Variants in ANKRD26 observed in about 807,000 individuals in gnomAD.
The protein encoded by ANKRD26 is ankyrin repeat domain-containing protein 26.
A neutral mutation model predicts 208.7 loss-of-function variants in ANKRD26; 141 were observed. The ratio of observed to expected loss-of-function variants is 0.68; its 90% CI spans 0.59 to 0.78. The LOEUF (loss-of-function observed/expected upper bound fraction) is 0.78. ANKRD26 is among the 30% of genes least tolerant of loss of function. The pLI, the probability that ANKRD26 is intolerant of heterozygous loss-of-function variation, is 0.00. For missense variants in ANKRD26, 1,889 were observed against 1,938.7 expected (o/e 0.97, Z 0.48); for synonymous variants, 636 against 660.4 (o/e 0.96, Z 0.57).
rs151033255 is a variant in ANKRD26 at position 27,035,011 on chromosome 10, G to A, written c.3439C>T (p.Arg1147Ter). The change falls in exon 24 of 34, where the codon CGA (arginine) becomes TGA (stop). Residue 1147 changes from arginine to a stop codon, truncating the protein, a stop_gained. Coordinates refer to ENST00000376087, the MANE Select transcript of ANKRD26 (RefSeq NM_014915.3). LOFTEE classifies it high-confidence loss of function. ...TTGTGGGCATCATCCAGTTGTTGTC[G>A]AAGCAACATATTCTCACTTTGTAGT... ...SQLQSENMLL[R>*]QQLDDAHNKA... 19 of 1,613,888 alleles carry A rather than the reference G, an allele frequency of 1.2e-5. No individual in the cohort carries two copies. The highest frequency in any genetic ancestry group is 4.0e-5 in the African/African-American group (3 of 74,996).
In ANKRD26 at chr10:27,046,311, T is replaced by C. The variant is rs368031777; in HGVS notation, c.1985+42A>G. 51 of 1,597,886 alleles carry C rather than the reference T, an allele frequency of 3.2e-5. No individual in the cohort carries two copies. The Middle Eastern group carries it at 5.0e-4, about 16-fold the overall frequency. ...TCTATTTTCAGAAAAAAATTACTACTAACCTTCCTCCATAGAAAAATAAAG... is the reference window on the plus strand; with the variant it reads ...TCTATTTTCAGAAAAAAATTACTACCAACCTTCCTCCATAGAAAAATAAAG... On this transcript the variant is annotated intron_variant, in intron 18 of 33. Coordinates refer to ENST00000376087, the MANE Select transcript of ANKRD26 (RefSeq NM_014915.3).
At position 27,038,071 on chromosome 10, in the gene ANKRD26, T is replaced by A. The variant is rs764681983; in HGVS notation, c.2376-17A>T. The A allele has an allele frequency of 3.1e-6, 5 of 1,588,764 alleles. No individual in the cohort carries two copies. The highest frequency in any genetic ancestry group is 4.3e-6 in the Non-Finnish European group (5 of 1,164,862). On this transcript the variant is annotated splice_polypyrimidine_tract_variant and intron_variant, in intron 21 of 33. Coordinates refer to ENST00000376087, the MANE Select transcript of ANKRD26 (RefSeq NM_014915.3). ...AAGCTAAATCTGCAGTTAAATATGT[T>A]TATCTTAAAATCTGTATTGTTACAA... is the stretch of plus-strand genomic sequence containing the variant.
chr10:27,007,102 TCA>T, intron 32 of ANKRD26, 140 bp from the exon 33 acceptor site: 1 of 618,882 alleles, frequency 1.6e-6, no homozygotes, highest in Middle Eastern at 3.1e-4. Context: ...ATAAAAATAA[TCA>T]CATAAATAAA....
intron 5 of ANKRD26, among the ~76,000 whole-genome samples, chr10:27,085,357 T>C (rs6482594): frequency 0.85 from 128,953 of 152,096 alleles, 54,992 homozygotes; most frequent in East Asian, 0.99. Context: ...CCTCGGCCTC[T>C]CAAAGTGCTG....
downstream of ANKRD26, among the ~76,000 whole-genome samples, chr10:26,987,695 G>C (rs150991467): frequency 1.7e-3 from 260 of 152,244 alleles, 3 homozygotes; most frequent in African/African-American, 6.0e-3. Flanking sequence ...TATTACAGTG[G>C]GATGAGGTAA....
chr10:26,954,406 T>A, the ANKRD26 span, among the ~76,000 whole-genome samples: 1 of 152,200 alleles, frequency 6.6e-6, no homozygotes, highest in Non-Finnish European at 1.5e-5. Flanking sequence ...GATCCATTGA[T>A]CTTTGCATCT....
At chr10:27,067,737 A>T (rs553902345) in intron 9 of ANKRD26, among the ~76,000 whole-genome samples, 1 of 152,262 alleles carries the variant, frequency 6.6e-6, no homozygotes, top group East Asian at 1.9e-4. Flanking sequence ...CTGTGATCCA[A>T]TCAACTCCCA....
chr10:26,997,075 C>T (rs1048253624), intron 4 of ANKRD26, among the ~76,000 whole-genome samples: 10 of 149,076 alleles, frequency 6.7e-5, no homozygotes, highest in Non-Finnish European at 1.0e-4. Context: ...AAAAAATATA[C>T]GGTCATTATG....
At chr10:26,949,648 G>A in the ANKRD26 span, among the ~76,000 whole-genome samples, 1 of 152,208 alleles carries the variant, frequency 6.6e-6, no homozygotes, top group South Asian at 2.1e-4. Flanking sequence ...GGGATTACAG[G>A]TGCCTGCCAC....
chr10:27,048,946 C>T lies in ANKRD26; in HGVS notation c.1669G>A (p.Glu557Lys). Residue 557 changes from glutamate (E) to lysine (K), a missense_variant, in exon 17 of 34, where the codon GAA (glutamate) becomes AAA (lysine). Physicochemically the swap from Glu to Lys is moderately conservative, Grantham distance 56 (BLOSUM62 1). Coordinates refer to ENST00000376087, the MANE Select transcript of ANKRD26 (RefSeq NM_014915.3). ...TGTATGTTTGCTGATACTTCCATTT[C>T]ATTATTTCTGTGTTTTTTCCTTTCT... ...EEERKKHRNN[E>K]MEVSANIHDG... 1 of 1,608,200 alleles carries T rather than the reference C, an allele frequency of 6.2e-7. No homozygotes were observed. Among genetic ancestry groups the T allele is most frequent in the Non-Finnish European group, 8.5e-7 (1 of 1,176,804 alleles).
At chr10:26,958,855 T>G in the ANKRD26 span, among the ~76,000 whole-genome samples, 2 of 152,208 alleles carry the variant, frequency 1.3e-5, no homozygotes, top group African/African-American at 4.8e-5. Context: ...CAAAAGGTAT[T>G]TCTACCTCTG....
the ANKRD26 span, among the ~76,000 whole-genome samples, chr10:26,963,452 G>C: frequency 6.6e-6 from 1 of 152,316 alleles, no homozygotes; most frequent in East Asian, 1.9e-4. Flanking sequence ...GTCTGGGGGA[G>C]CACCTGAGAC....
chr10:27,088,437 C>A (rs2056193452), intron 4 of ANKRD26: 1 of 152,194 alleles, frequency 6.6e-6, no homozygotes, highest in African/African-American at 2.4e-5. Context: ...CAAAACCCGA[C>A]TTTTATACAT....
chr10:27,048,886 C>G lies in ANKRD26; in HGVS notation c.1729G>C (p.Asp577His). ...CTTTTTTGAATTAATCCATCATCAT[C>G]ATCATCATCTTCAGCATCATCAGTA... ...GATDDAEDDD[D>H]DDGLIQKRKS... Residue 577 changes from aspartate (D) to histidine (H), a missense_variant, in exon 17 of 34, where the codon GAT becomes CAT. Coordinates refer to ENST00000376087, the MANE Select transcript of ANKRD26 (RefSeq NM_014915.3). 6.2e-7 allele frequency: 1 copy of G among 1,613,138 alleles called. No individual in the cohort carries two copies. The highest frequency in any genetic ancestry group is 8.5e-7 in the Non-Finnish European group (1 of 1,179,646).
chr10:26,994,955 C>T, intron 5 of ANKRD26: 1 of 419,926 alleles, frequency 2.4e-6, no homozygotes, highest in East Asian at 7.2e-5. Flanking sequence ...AGAGGACTGG[C>T]TTCAATTACC....
Position 27,034,795 on chromosome 10 carries a change from C to T in ANKRD26, c.3654+1G>A. 6.3e-7 allele frequency: 1 copy of T among 1,588,402 alleles called. No homozygotes were observed. Among genetic ancestry groups the T allele is most frequent in the Non-Finnish European group, 8.6e-7 (1 of 1,162,474 alleles). On this transcript the variant is annotated splice_donor_variant, in intron 24 of 33. Coordinates refer to ENST00000376087, the MANE Select transcript of ANKRD26 (RefSeq NM_014915.3). LOFTEE classifies it high-confidence loss of function. Reference sequence around the variant, plus strand: ...AAATATTTATCTTTCTTGATACTTACTTCTCTTTCTGCCTTTTCATTTTCA... The same window carrying T: ...AAATATTTATCTTTCTTGATACTTATTTCTCTTTCTGCCTTTTCATTTTCA...
intron 5 of ANKRD26, among the ~76,000 whole-genome samples, chr10:26,994,498 T>C (rs183682346): frequency 4.3e-4 from 65 of 152,266 alleles, no homozygotes; most frequent in African/African-American, 1.5e-3. Flanking sequence ...TATCCCCCTT[T>C]CTGTTTCCAA....
intron 15 of ANKRD26, among the ~76,000 whole-genome samples, chr10:27,053,794 A>G (rs1161596251): frequency 6.6e-6 from 1 of 152,216 alleles, no homozygotes; most frequent in Admixed American, 6.5e-5. Flanking sequence ...TAAATAAGCT[A>G]AACTGTCAGA....
downstream of ANKRD26, among the ~76,000 whole-genome samples, chr10:26,972,214 G>A (rs1378056062): frequency 6.3e-5 from 9 of 142,174 alleles, no homozygotes; most frequent in East Asian, 6.1e-4. Flanking sequence ...CAGCCTGGGC[G>A]ACAGAGCGAG....
Sources: gnomAD v4.1 joint callset for allele counts (sites outside exome capture counted in the v4.1 genomes callset) on GRCh38, gnomAD v4.1.1 for gene constraint, MANE v1.5 for transcripts, NCBI Gene and HGNC (gene_info 2026-07-23, HGNC 2026-07-21) for gene names.